Variants in FOXO1 observed in about 807,000 individuals in gnomAD.
FOXO1 encodes forkhead box protein O1.
A neutral mutation model predicts 44.1 loss-of-function variants in FOXO1; 6 were observed. That is an observed-to-expected ratio of 0.14 (90% CI 0.07 to 0.27). The LOEUF (loss-of-function observed/expected upper bound fraction) is 0.27. Among genes scored for constraint, FOXO1 ranks in the 10% least tolerant of loss-of-function variants. The probability of loss-of-function intolerance (pLI) is 1.00; values close to 1 mark genes in which losing one functional copy is unlikely to be tolerated. For synonymous variants in FOXO1, 380 were observed against 362.7 expected, an observed-to-expected ratio of 1.05 and a Z score of -0.54; for missense variants, 737 against 888.8, an observed-to-expected ratio of 0.83 and a Z score of 2.17.
chr13:40,623,790 T>C (rs1242845447), intron 1 of FOXO1, among the ~76,000 whole-genome samples: 2 of 151,978 alleles, frequency 1.3e-5, no homozygotes, highest in Non-Finnish European at 2.9e-5. Flanking sequence ...AGGGGTCCAG[T>C]TCTGGGGACC....
At chr13:40,561,915 G>A (rs1311221391) in intron 1 of FOXO1, among the ~76,000 whole-genome samples, 1 of 148,468 alleles carries the variant, frequency 6.7e-6, no homozygotes, top group Non-Finnish European at 1.5e-5. Context: ...ACTCCAGCCT[G>A]GGCAACAAGA....
At chr13:40,635,405 C>A (rs1349658162) in intron 1 of FOXO1, among the ~76,000 whole-genome samples, 1 of 152,126 alleles carries the variant, frequency 6.6e-6, no homozygotes, top group Non-Finnish European at 1.5e-5. Context: ...CTTTAACCCA[C>A]GAAGGTTAAG....
chr13:40,645,218 T>A (rs906015068), intron 1 of FOXO1, among the ~76,000 whole-genome samples: 1 of 152,220 alleles, frequency 6.6e-6, no homozygotes, highest in African/African-American at 2.4e-5. Context: ...TACATCTATA[T>A]ATCCAGACTA....
intron 1 of FOXO1, among the ~76,000 whole-genome samples, chr13:40,654,817 G>T (rs1412565711): frequency 6.6e-6 from 1 of 152,072 alleles, no homozygotes; most frequent in Admixed American, 6.5e-5. Flanking sequence ...AAGAATTAAA[G>T]AACTCCTATG....
In FOXO1 at chr13:40,560,968, C is replaced by T; in HGVS notation, c.631-108G>A. 1 of 1,106,608 alleles carries T rather than the reference C, an allele frequency of 9.0e-7. No individual in the cohort carries two copies. The highest frequency in any genetic ancestry group is 1.3e-6 in the Non-Finnish European group (1 of 789,460). 68.5% of individuals were successfully genotyped at this position (1,106,608 alleles called of 1,614,324 possible). On this transcript the variant is annotated intron_variant, in intron 1 of 2. Transcript: ENST00000379561. This position sits in a 1 kb window ranked among gnomAD's most constrained non-coding sequence, Gnocchi z 5.1. Reference sequence around the variant, plus strand: ...AAGTAAAAAATCTTAAGAGTGTGTGCTACAGATTTCCATCTGAACAGTCCT... The same window carrying T: ...AAGTAAAAAATCTTAAGAGTGTGTGTTACAGATTTCCATCTGAACAGTCCT...
chr13:40,635,023 A>G (rs1246705629), intron 1 of FOXO1, among the ~76,000 whole-genome samples: 2 of 152,264 alleles, frequency 1.3e-5, no homozygotes, highest in African/African-American at 2.4e-5. Flanking sequence ...TTTCAACATC[A>G]ATTTAGCATC....
At chr13:40,610,218 T>C (rs1454521396) in intron 1 of FOXO1, among the ~76,000 whole-genome samples, 1 of 152,150 alleles carries the variant, frequency 6.6e-6, no homozygotes, top group Non-Finnish European at 1.5e-5. Context: ...ATGAGCATAC[T>C]GTACTGAGGG....
At chr13:40,622,861 A>C (rs1332163034) in intron 1 of FOXO1, among the ~76,000 whole-genome samples, 1 of 152,214 alleles carries the variant, frequency 6.6e-6, no homozygotes, top group East Asian at 1.9e-4. Context: ...GTAAGCGTGG[A>C]AGAAGAAGAG....
intron 1 of FOXO1, among the ~76,000 whole-genome samples, chr13:40,602,633 A>T (rs933989804): frequency 3.3e-5 from 5 of 152,208 alleles, no homozygotes; most frequent in African/African-American, 4.8e-5. Context: ...TTTCTACCCA[A>T]GGTCATTTAC....
Position 40,555,761 on chromosome 13 carries a change from C to T in FOXO1, c.*3288G>A, listed in dbSNP as rs1055728829. 1 of 152,644 alleles carries T rather than the reference C, an allele frequency of 6.6e-6. No individual in the cohort carries two copies. The highest frequency in any genetic ancestry group is 2.4e-5 in the African/African-American group (1 of 41,444). 9.5% of individuals were successfully genotyped at this position (152,644 alleles called of 1,614,324 possible). A position where few individuals can be genotyped will look rare whatever the true frequency, so the allele number is the denominator to read the frequency against. ...ATAATTAGAAAAGAAAGACACCAAG[C>T]CATTTAAACATAATTTATGTACATT... On this transcript the variant is annotated 3_prime_UTR_variant, in exon 3 of 3. Transcript: ENST00000379561.
chr13:40,593,164 T>C (rs145256643), intron 1 of FOXO1, among the ~76,000 whole-genome samples: 34 of 152,112 alleles, frequency 2.2e-4, no homozygotes, highest in Non-Finnish European at 4.0e-4. Flanking sequence ...GCTGGGACCA[T>C]AGGCACATGT....
At chr13:40,577,117 G>A (rs1025669492) in intron 1 of FOXO1, among the ~76,000 whole-genome samples, 45 of 152,162 alleles carry the variant, frequency 3.0e-4, no homozygotes, top group Non-Finnish European at 3.8e-4. Context: ...GTACTGCAGG[G>A]GCATGAGGAT....
chr13:40,577,505 G>A (rs1874804016), intron 1 of FOXO1, among the ~76,000 whole-genome samples: 1 of 152,276 alleles, frequency 6.6e-6, no homozygotes, highest in African/African-American at 2.4e-5. Flanking sequence ...GGGTCACAGA[G>A]TCTAATACTC....
intron 1 of FOXO1, among the ~76,000 whole-genome samples, chr13:40,650,270 G>A (rs1288781495): frequency 1.3e-5 from 2 of 152,122 alleles, no homozygotes; most frequent in Non-Finnish European, 2.9e-5. Context: ...TGTTTTGGTG[G>A]GTTTTAGCTG....
chr13:40,656,677 TTAATG>T (rs371176172), intron 1 of FOXO1, among the ~76,000 whole-genome samples: 126 of 152,370 alleles, frequency 8.3e-4, no homozygotes, highest in African/African-American at 3.0e-3. Flanking sequence ...TTAAAATTGT[TTAATG>T]TAATCATATT....
rs117958521 is a variant in FOXO1, at chr13:40,556,536, T to C, written c.*2513A>G. 6.5e-6 allele frequency: 1 copy of C among 152,776 alleles called. No homozygotes were observed. Among genetic ancestry groups the C allele is most frequent in the Non-Finnish European group, 1.5e-5 (1 of 68,034 alleles). 9.5% of individuals were successfully genotyped at this position (152,776 alleles called of 1,614,324 possible). On this transcript the variant is annotated 3_prime_UTR_variant, in exon 3 of 3. Coordinates refer to ENST00000379561, the MANE Select transcript of FOXO1 (RefSeq NM_002015.4). The stretch of plus-strand genomic sequence containing the variant: ...GCAATCATGTACAATAACTGATATA[T>C]ACTCATTACTCCAGAAAGTCAGTAT...
chr13:40,630,362 A>G (rs1053769743), intron 1 of FOXO1, among the ~76,000 whole-genome samples: 21 of 152,120 alleles, frequency 1.4e-4, no homozygotes, highest in Non-Finnish European at 1.2e-4. Flanking sequence ...ATTTGTCAAC[A>G]TGGAAAAACC....
rs117227013 is a variant in FOXO1 at position 40,658,067 on chromosome 13, A to G, written c.630+7516T>C. ...TAAAGTTAAATTATATATAATACAC[A>G]GCAGCATGAATTAAAAGATTACCAG... On this transcript the variant is annotated intron_variant, in intron 1 of 2. Transcript: ENST00000379561. Among the ~76,000 whole-genome samples, 355 of 152,330 alleles carry G rather than the reference A, an allele frequency of 2.3e-3. 9 individuals carry two copies. In the East Asian group the frequency reaches 0.056, roughly 24 times the overall value.
chr13:40,621,801 G>A (rs1387562477), intron 1 of FOXO1, among the ~76,000 whole-genome samples: 1 of 152,120 alleles, frequency 6.6e-6, no homozygotes, highest in Non-Finnish European at 1.5e-5. Context: ...AGAGTATGTG[G>A]CTGAATGTGT....
Sources: allele counts gnomAD v4.1 joint callset (sites outside exome capture counted in the v4.1 genomes callset), GRCh38; gene constraint gnomAD v4.1.1; non-coding constraint Gnocchi (gnomAD v3.1); transcripts MANE v1.5; gene names NCBI Gene and HGNC (gene_info 2026-07-23, HGNC 2026-07-21).